The following NCALD variants were observed in gnomAD, a reference collection of about 807,000 sequenced individuals.
The protein encoded by NCALD is neurocalcin-delta.
In NCALD, 10 loss-of-function variants were observed where a neutral mutation model predicts 18.6. That is an observed-to-expected ratio of 0.54 (90% CI 0.33 to 0.91). The LOEUF (loss-of-function observed/expected upper bound fraction) is 0.91, where lower values mean the gene tolerates loss of function less well. Among genes scored for constraint, NCALD ranks in the 40% least tolerant of loss-of-function variants. The pLI is 0.03. For missense variants in NCALD, 184 were observed against 247.6 expected (o/e 0.74, Z 1.72); for synonymous variants, 88 against 87.4 (o/e 1.01, Z -0.04).
At chr8:101,889,152 G>A (rs752618004) in intron 3 of NCALD, among the ~76,000 whole-genome samples, 1 of 152,180 alleles carries the variant, frequency 6.6e-6, no homozygotes, top group Non-Finnish European at 1.5e-5. Context: ...CTGATGCAAA[G>A]CTGGAGGAAG....
intron 2 of NCALD, among the ~76,000 whole-genome samples, chr8:101,918,597 C>G (rs1305929250): frequency 6.6e-6 from 1 of 152,146 alleles, no homozygotes; most frequent in African/African-American, 2.4e-5. Flanking sequence ...CCTAAAGACT[C>G]TGTCCAAAGG....
chr8:102,094,097 T>C (rs1382694614), intron 1 of NCALD, among the ~76,000 whole-genome samples: 2 of 152,182 alleles, frequency 1.3e-5, no homozygotes, highest in Non-Finnish European at 2.9e-5. Context: ...CTATTGTATA[T>C]CCAAAATTAT....
In NCALD at chr8:102,020,428, C is replaced by T. The variant is rs756665610; in HGVS notation, c.-209-139G>A. The T allele has an allele frequency of 3.3e-5, 5 of 152,202 alleles. 1 individual carries two copies. In the South Asian group the frequency reaches 1.0e-3, roughly 32 times the overall value. 9.4% of individuals were successfully genotyped at this position (152,202 alleles called of 1,614,324 possible). A position where few individuals can be genotyped will look rare whatever the true frequency, so the allele number is the denominator to read the frequency against. On this transcript the variant is annotated intron_variant, in intron 1 of 6. Coordinates refer to the NCALD transcript ENST00000311028. ...AATTTTAAGTCTTAGCATTGTATCA[C>T]ACTTTAATATGCCACTATTTCTTTA... is the stretch of plus-strand genomic sequence containing the variant.
chr8:102,057,635 A>G (rs1021441050), intron 1 of NCALD, among the ~76,000 whole-genome samples: 1 of 152,230 alleles, frequency 6.6e-6, no homozygotes, highest in African/African-American at 2.4e-5. Context: ...TCCAAAGCCC[A>G]TGCTTTCACT....
At chr8:101,715,815 A>G (rs1352191369) in intron 2 of NCALD, among the ~76,000 whole-genome samples, 1 of 152,184 alleles carries the variant, frequency 6.6e-6, no homozygotes, top group Non-Finnish European at 1.5e-5. Context: ...AAGTCAGGAA[A>G]CAACAGATTC....
chr8:102,046,847 GGTTT>G (rs1403621506), intron 1 of NCALD, among the ~76,000 whole-genome samples: 2 of 150,020 alleles, frequency 1.3e-5, no homozygotes, highest in Non-Finnish European at 3.0e-5. Flanking sequence ...TACATATGAA[GGTTT>G]GTTACATAGT....
chr8:102,040,007 T>C (rs1016425664), intron 1 of NCALD, among the ~76,000 whole-genome samples: 2 of 152,146 alleles, frequency 1.3e-5, no homozygotes, highest in Non-Finnish European at 2.9e-5. Context: ...AAATAAACCA[T>C]TTTTCTTTAC....
At chr8:101,889,623 C>T (rs1816799967) in intron 3 of NCALD, among the ~76,000 whole-genome samples, 1 of 152,214 alleles carries the variant, frequency 6.6e-6, no homozygotes, top group Non-Finnish European at 1.5e-5. Flanking sequence ...TAACATGTAG[C>T]ACTCAAACAT....
At chr8:101,796,916 G>A (rs988863029) in intron 4 of NCALD, among the ~76,000 whole-genome samples, 1 of 152,184 alleles carries the variant, frequency 6.6e-6, no homozygotes, top group African/African-American at 2.4e-5. Context: ...TGAGATAGAT[G>A]CATTTTCTGA....
chr8:102,054,531 C>A (rs566252408), intron 1 of NCALD, among the ~76,000 whole-genome samples: 3 of 152,074 alleles, frequency 2.0e-5, no homozygotes, highest in Admixed American at 2.0e-4. Context: ...TGAGGTCCCC[C>A]GAGAAAGAAT....
intron 1 of NCALD, among the ~76,000 whole-genome samples, chr8:102,084,243 C>A (rs568652096): frequency 6.6e-6 from 1 of 152,178 alleles, no homozygotes; most frequent in Non-Finnish European, 1.5e-5. Context: ...GGAATGTATT[C>A]GAATCACACA....
intron 1 of NCALD, among the ~76,000 whole-genome samples, chr8:101,725,069 G>A (rs1366745347): frequency 6.6e-6 from 1 of 152,202 alleles, no homozygotes; most frequent in Non-Finnish European, 1.5e-5. Context: ...TGGACAGGAG[G>A]CAGGGAAATA....
Position 102,050,168 on chromosome 8 carries a change from C to CAAA in NCALD, c.-209-29882_-209-29880dup, listed in dbSNP as rs71268541. ...TGGGCGACAGAGCGAGACTCCGTCT[C>CAAA]AAAAAAAAAAAAAAAAAAAAAAAAA... On this transcript the variant is annotated intron_variant, in intron 1 of 6. Transcript: ENST00000311028. 8.1e-4 allele frequency among the ~76,000 whole-genome samples: 36 copies of CAAA among 44,702 alleles called. 1 individual carries two copies. The highest frequency in any genetic ancestry group is 3.7e-3 in the South Asian group (2 of 546). 29.3% of individuals were successfully genotyped at this position (44,702 alleles called of 152,430 possible).
intron 3 of NCALD, among the ~76,000 whole-genome samples, chr8:101,898,372 T>A (rs1019874088): frequency 6.6e-6 from 1 of 152,112 alleles, no homozygotes; most frequent in African/African-American, 2.4e-5. Context: ...CATTCCCTCA[T>A]TGGATTTTTG....
Position 101,784,166 on chromosome 8 carries a change from G to A in NCALD, c.-20+6696C>T, listed in dbSNP as rs188141715. ...AGGGGGAAGGAAGACCTGATGACCG[G>A]GCCTGGAGTCATCTGACAGCTTGCT... On this transcript the variant is annotated intron_variant, in intron 1 of 3. Coordinates refer to ENST00000220931, the MANE Select transcript of NCALD (RefSeq NM_032041.3). Among the ~76,000 whole-genome samples, 190 of 152,148 alleles carry A rather than the reference G, an allele frequency of 1.2e-3. 2 individuals carry two copies. Among genetic ancestry groups the A allele is most frequent in the African/African-American group, 4.4e-3 (183 of 41,530 alleles).
At chr8:101,959,542 C>T (rs1819760182) in intron 2 of NCALD, among the ~76,000 whole-genome samples, 1 of 152,140 alleles carries the variant, frequency 6.6e-6, no homozygotes, top group Admixed American at 6.5e-5. Flanking sequence ...TTACTGTGAA[C>T]TCAGATTCCT....
chr8:101,749,347 C>T (rs1586392287), intron 1 of NCALD, among the ~76,000 whole-genome samples: 1 of 152,294 alleles, frequency 6.6e-6, no homozygotes, highest in East Asian at 1.9e-4. Flanking sequence ...CTGGAAGTGA[C>T]CTCTCACAGA....
At chr8:102,105,825 C>T (rs564695413) in intron 1 of NCALD, among the ~76,000 whole-genome samples, 3 of 152,226 alleles carry the variant, frequency 2.0e-5, no homozygotes, top group South Asian at 2.1e-4. Flanking sequence ...ACTCCCACTT[C>T]GCACACACCT....
chr8:101,827,325 A>T (rs928750138), intron 4 of NCALD, among the ~76,000 whole-genome samples: 1 of 152,226 alleles, frequency 6.6e-6, no homozygotes, highest in Admixed American at 6.5e-5. Context: ...CCATCTCAAG[A>T]TCCTTAATTT....
Sources: allele counts gnomAD v4.1 joint callset (sites outside exome capture counted in the v4.1 genomes callset), GRCh38; gene constraint gnomAD v4.1.1; transcripts MANE v1.5; gene names NCBI Gene and HGNC (gene_info 2026-07-23, HGNC 2026-07-21).